Variants in ZCCHC7 observed in about 807,000 individuals in gnomAD.
ZCCHC7 encodes zinc finger CCHC-type containing 7.
A neutral mutation model predicts 52.0 loss-of-function variants in ZCCHC7; 35 were observed. That is an observed-to-expected ratio of 0.67 (90% CI 0.51 to 0.89). ZCCHC7 has a LOEUF of 0.89. ZCCHC7 is among the 40% of genes least tolerant of loss of function. The pLI, the probability that ZCCHC7 is intolerant of heterozygous loss-of-function variation, is 0.00. For missense variants in ZCCHC7, 574 were observed against 649.1 expected, an observed-to-expected ratio of 0.88 and a Z score of 1.26; for synonymous variants, 217 against 221.5, an observed-to-expected ratio of 0.98 and a Z score of 0.18.
chr9:37,132,153 C>G (rs1842812434), intron 2 of ZCCHC7, among the ~76,000 whole-genome samples: 1 of 152,096 alleles, frequency 6.6e-6, no homozygotes, highest in Non-Finnish European at 1.5e-5. Context: ...GGCAGATCTC[C>G]TGGTGGAAGA....
chr9:37,336,645 T>A (rs535732329), intron 6 of ZCCHC7, among the ~76,000 whole-genome samples: 1 of 152,308 alleles, frequency 6.6e-6, no homozygotes, highest in African/African-American at 2.4e-5. Flanking sequence ...GGGGTTCATG[T>A]ACAATCACAT....
intron 2 of ZCCHC7, among the ~76,000 whole-genome samples, chr9:37,192,843 G>A (rs1244704244): frequency 6.6e-6 from 1 of 151,912 alleles, no homozygotes; most frequent in Non-Finnish European, 1.5e-5. Context: ...TACACAAAAT[G>A]TAAACTTCAT....
intron 2 of ZCCHC7, among the ~76,000 whole-genome samples, chr9:37,167,904 C>T (rs2132955601): frequency 6.6e-6 from 1 of 152,288 alleles, no homozygotes; most frequent in South Asian, 2.1e-4. Context: ...TCTCTGTAAT[C>T]CTTTTGGGTG....
chr9:37,349,299 A>T, intron 6 of ZCCHC7, 58 bp from the exon 7 acceptor site: 1 of 1,560,494 alleles, frequency 6.4e-7, no homozygotes, highest in South Asian at 1.1e-5. Flanking sequence ...TTTTGGAAAG[A>T]ATGAGGTTTT....
chr9:37,348,347 GTTCTTTCT>G (rs58182218), intron 6 of ZCCHC7, among the ~76,000 whole-genome samples: 2,235 of 135,542 alleles, frequency 0.016, 36 homozygotes, highest in Middle Eastern at 0.12. Context: ...ATACCAGTTC[GTTCTTTCT>G]TTCTTTCTTT....
intron 5 of ZCCHC7, among the ~76,000 whole-genome samples, chr9:37,314,749 TAAAAAAA>T (rs34853130): frequency 8.3e-6 from 1 of 120,832 alleles, no homozygotes; most frequent in East Asian, 2.1e-4. Flanking sequence ...CGATCTCTTT[TAAAAAAA>T]AAAAAAAAAA....
intron 5 of ZCCHC7, among the ~76,000 whole-genome samples, chr9:37,308,123 G>A (rs912385474): frequency 6.6e-6 from 1 of 152,098 alleles, no homozygotes; most frequent in Non-Finnish European, 1.5e-5. Context: ...TAATAAAGTG[G>A]TATATGGTTA....
intron 2 of ZCCHC7, among the ~76,000 whole-genome samples, chr9:37,187,980 T>TA (rs1366593448): frequency 6.6e-6 from 1 of 152,136 alleles, no homozygotes; most frequent in Non-Finnish European, 1.5e-5. Context: ...ACTTTGTGAG[T>TA]AATGCAAGTG....
At chr9:37,159,476 A>G (rs1234296963) in intron 2 of ZCCHC7, among the ~76,000 whole-genome samples, 1 of 152,182 alleles carries the variant, frequency 6.6e-6, no homozygotes, top group Non-Finnish European at 1.5e-5. Flanking sequence ...CAAAGATGTT[A>G]TTTTTGAACT....
At chr9:37,162,808 C>T (rs1006730929) in intron 2 of ZCCHC7, among the ~76,000 whole-genome samples, 1 of 152,192 alleles carries the variant, frequency 6.6e-6, no homozygotes, top group Non-Finnish European at 1.5e-5. Context: ...TGCGATGGCT[C>T]ATGCCTGTCA....
intron 2 of ZCCHC7, among the ~76,000 whole-genome samples, chr9:37,223,562 G>T (rs1026956117): frequency 6.6e-6 from 1 of 152,118 alleles, no homozygotes; most frequent in Admixed American, 6.5e-5. Context: ...TTTGAAAATA[G>T]TAACAATGGT....
At chr9:37,166,653 C>G (rs181025558) in intron 2 of ZCCHC7, among the ~76,000 whole-genome samples, 2 of 151,968 alleles carry the variant, frequency 1.3e-5, no homozygotes, top group East Asian at 1.9e-4. Flanking sequence ...GGTGGAAGCT[C>G]AGGTTGTTGA....
intron 2 of ZCCHC7, among the ~76,000 whole-genome samples, chr9:37,286,245 GAGA>G (rs1828202409): frequency 1.3e-5 from 2 of 152,166 alleles, no homozygotes; most frequent in African/African-American, 2.4e-5. Context: ...GTCTGCCACT[GAGA>G]AGATTTTTGG....
intron 2 of ZCCHC7, among the ~76,000 whole-genome samples, chr9:37,196,090 T>G (rs905841652): frequency 6.6e-6 from 1 of 152,174 alleles, no homozygotes; most frequent in Non-Finnish European, 1.5e-5. Flanking sequence ...AGAATGTTTG[T>G]GTCAGGCCCA....
At chr9:37,265,147 C>A (rs1827042466) in intron 2 of ZCCHC7, among the ~76,000 whole-genome samples, 1 of 152,182 alleles carries the variant, frequency 6.6e-6, no homozygotes, top group Admixed American at 6.5e-5. Context: ...AGAAAGGAAT[C>A]TTTCAGCAGA....
intron 2 of ZCCHC7, among the ~76,000 whole-genome samples, chr9:37,291,562 A>G (rs1190280677): frequency 6.6e-6 from 1 of 152,234 alleles, no homozygotes. Flanking sequence ...GTATATATGC[A>G]GGGGCGATTA....
chr9:37,160,834 C>T lies in ZCCHC7; in HGVS notation c.610+33892C>T, dbSNP rs149679848. On this transcript the variant is annotated intron_variant, in intron 2 of 8. Coordinates refer to ENST00000336755, the MANE Select transcript of ZCCHC7 (RefSeq NM_032226.3). The stretch of plus-strand genomic sequence containing the variant: ...CTGGGAGGCCGAGGTTGCAGTGAAC[C>T]GAGATCGTGCCATTGCACTCTATCC... Among the ~76,000 whole-genome samples the T allele has an allele frequency of 2.3e-4, 35 of 152,140 alleles. No homozygotes were observed. The East Asian group carries it at 2.3e-3, about 10-fold the overall frequency.
chr9:37,166,211 A>G (rs1381310865), intron 2 of ZCCHC7, among the ~76,000 whole-genome samples: 1 of 152,128 alleles, frequency 6.6e-6, no homozygotes, highest in Non-Finnish European at 1.5e-5. Flanking sequence ...CCTGGCCAGC[A>G]TGGTGAAACC....
intron 2 of ZCCHC7, among the ~76,000 whole-genome samples, chr9:37,230,719 C>A (rs1434157376): frequency 6.6e-6 from 1 of 151,984 alleles, no homozygotes; most frequent in Admixed American, 6.6e-5. Context: ...GAACAGTATT[C>A]CATAAATATG....
Sources: allele counts gnomAD v4.1 joint callset (sites outside exome capture counted in the v4.1 genomes callset), GRCh38; gene constraint gnomAD v4.1.1; transcripts MANE v1.5; gene names NCBI Gene and HGNC (gene_info 2026-07-23, HGNC 2026-07-21).